ZNF616: variants seen among roughly 807,000 people sequenced by gnomAD.
The protein encoded by ZNF616 is zinc finger protein 616.
Under a neutral mutation model 7.6 loss-of-function variants are expected in ZNF616, and 5 were observed. The ratio of observed to expected loss-of-function variants is 0.66; its 90% confidence interval spans 0.34 to 1.38. The LOEUF is 1.38. Among genes scored for constraint, ZNF616 ranks in the 40% most tolerant of loss-of-function variants. The pLI is 0.04. For synonymous variants in ZNF616, 319 were observed against 317.2 expected (o/e 1.01, Z -0.06); for missense variants, 913 against 948.3 (o/e 0.96, Z 0.49).
intron 3 of ZNF616, 92 bp from the exon 4 acceptor site, chr19:52,117,116 A>G: frequency 9.0e-7 from 1 of 1,109,160 alleles, no homozygotes; most frequent in East Asian, 2.5e-5. Flanking sequence ...ACTAAACATA[A>G]TCTTTATACT....
At chr19:52,125,219 G>T (rs1004736531) in intron 2 of ZNF616, among the ~76,000 whole-genome samples, 1 of 152,130 alleles carries the variant, frequency 6.6e-6, no homozygotes, top group Non-Finnish European at 1.5e-5. Flanking sequence ...CAATTCAAAA[G>T]TCTATAGTCT....
rs1474811415 is a variant in ZNF616, at chr19:52,113,209, T to C, written c.*1609A>G. Reference sequence around the variant, plus strand: ...TCTGGTAGTTATTCTGTAATAATATTCCAGGCCAATCTTGGAGAAGCAGAT... The same window carrying C: ...TCTGGTAGTTATTCTGTAATAATATCCCAGGCCAATCTTGGAGAAGCAGAT... On this transcript the variant is annotated 3_prime_UTR_variant, in exon 4 of 4. Coordinates refer to ENST00000600228, the MANE Select transcript of ZNF616 (RefSeq NM_178523.5). 6.6e-6 allele frequency: 1 copy of C among 152,238 alleles called. No homozygotes were observed. The highest frequency in any genetic ancestry group is 1.5e-5 in the Non-Finnish European group (1 of 68,050). The allele number at this position is 152,238 out of a possible 1,614,324, so 9.4% of individuals were successfully genotyped here. A position where few individuals can be genotyped will look rare whatever the true frequency, so the allele number is the denominator to read the frequency against.
At chr19:52,133,886 C>G (rs1272473406) in intron 1 of ZNF616, among the ~76,000 whole-genome samples, 1 of 152,158 alleles carries the variant, frequency 6.6e-6, no homozygotes, top group African/African-American at 2.4e-5. Context: ...ACCCTCCACC[C>G]TGAGGTAGGC....
At chr19:52,117,122 A>C in intron 3 of ZNF616, 98 bp from the exon 4 acceptor site, 2 of 1,059,930 alleles carry the variant, frequency 1.9e-6, no homozygotes, top group Non-Finnish European at 2.7e-6. Flanking sequence ...CATAATCTTT[A>C]TACTAGACAG....
At chr19:52,131,113 C>A (rs776243582) in intron 1 of ZNF616, among the ~76,000 whole-genome samples, 1 of 151,906 alleles carries the variant, frequency 6.6e-6, no homozygotes, top group African/African-American at 2.4e-5. Context: ...ACCAAAAACA[C>A]AAAAATTAGC....
chr19:52,117,549 A>G (rs2088835998), intron 3 of ZNF616, among the ~76,000 whole-genome samples: 1 of 152,210 alleles, frequency 6.6e-6, no homozygotes, highest in African/African-American at 2.4e-5. Context: ...AGTAAAATAC[A>G]ATATACAATA....
At position 52,113,635 on chromosome 19, in the gene ZNF616, CCA is replaced by C. The variant is rs2088789843; in HGVS notation, c.*1181_*1182del. On this transcript the variant is annotated 3_prime_UTR_variant, in exon 4 of 4. Transcript: ENST00000600228. ...CCCTTCCCACCCCCATCAGCAGGCC[CCA>C]GTGTGTGTTGCTCCCCTCCCTGGGT... 6.6e-6 allele frequency: 1 copy of C among 152,110 alleles called. No homozygotes were observed. Among genetic ancestry groups the C allele is most frequent in the Admixed American group, 6.5e-5 (1 of 15,268 alleles). 9.4% of individuals were successfully genotyped at this position (152,110 alleles called of 1,614,324 possible). A position where few individuals can be genotyped will look rare whatever the true frequency, so the allele number is the denominator to read the frequency against.
At chr19:52,137,401 C>T (rs891710460) in intron 1 of ZNF616, among the ~76,000 whole-genome samples, 6 of 151,690 alleles carry the variant, frequency 4.0e-5, no homozygotes, top group African/African-American at 1.5e-4. Flanking sequence ...CTAGCCTGGG[C>T]GACAGAGCGA....
chr19:52,115,051 C>T lies in ZNF616; in HGVS notation c.2113G>A (p.Val705Ile). Reference protein sequence around the residue: ...GKVFRHSSHLVSHQRIHTGEK... With the variant: ...GKVFRHSSHLISHQRIHTGEK... Reference sequence around the variant, plus strand: ...CCAGTGTGGATTCTCTGGTGACTTACAAGATGTGAACTATGCCTGAATACC... The same window carrying T: ...CCAGTGTGGATTCTCTGGTGACTTATAAGATGTGAACTATGCCTGAATACC... Residue 705 changes from valine to isoleucine, a missense_variant, in exon 4 of 4, where the codon GTA becomes ATA. Coordinates refer to ENST00000600228, the MANE Select transcript of ZNF616 (RefSeq NM_178523.5). 6.2e-7 allele frequency: 1 copy of T among 1,614,136 alleles called. No homozygotes were observed. The highest frequency in any genetic ancestry group is 1.1e-5 in the South Asian group (1 of 91,080).
At chr19:52,121,213 C>A (rs2122150007) in intron 3 of ZNF616, among the ~76,000 whole-genome samples, 1 of 152,306 alleles carries the variant, frequency 6.6e-6, no homozygotes, top group South Asian at 2.1e-4. Flanking sequence ...CGCCACCACG[C>A]CCAGCTAATT....
chr19:52,115,050 A>C lies in ZNF616; in HGVS notation c.2114T>G (p.Val705Gly). The C allele has an allele frequency of 6.2e-7, 1 of 1,614,154 alleles. No homozygotes were observed. Among genetic ancestry groups the C allele is most frequent in the Non-Finnish European group, 8.5e-7 (1 of 1,180,006 alleles). The change falls in exon 4 of 4, where the codon GTA becomes GGA. Residue 705 changes from valine to glycine, a missense_variant. Transcript: ENST00000600228. ...TCCAGTGTGGATTCTCTGGTGACTT[A>C]CAAGATGTGAACTATGCCTGAATAC... ...GKVFRHSSHLVSHQRIHTGEK... is the reference protein window; with the variant it reads ...GKVFRHSSHLGSHQRIHTGEK...
rs2089040342 is a variant in ZNF616, at chr19:52,139,502, CT to C, written c.-77+229del. 6.6e-6 allele frequency among the ~76,000 whole-genome samples: 1 copy of C among 152,106 alleles called. No homozygotes were observed. The highest frequency in any genetic ancestry group is 6.5e-5 in the Admixed American group (1 of 15,274). On this transcript the variant is annotated intron_variant, in intron 1 of 3. Coordinates refer to ENST00000600228, the MANE Select transcript of ZNF616 (RefSeq NM_178523.5). This position sits in a 1 kb window ranked among gnomAD's most constrained non-coding sequence, Gnocchi z 4.1. Reference sequence around the variant, plus strand: ...CAGGAGCTGGGCAGCGGGCGCTCCCCTCCAGGCGTCGACAAGGGCGAAGCTC... The same window carrying C: ...CAGGAGCTGGGCAGCGGGCGCTCCCCCCAGGCGTCGACAAGGGCGAAGCTC...
At chr19:52,131,959 G>A (rs1190740958) in intron 1 of ZNF616, among the ~76,000 whole-genome samples, 1 of 152,104 alleles carries the variant, frequency 6.6e-6, no homozygotes, top group Non-Finnish European at 1.5e-5. Context: ...AGGCCTGTGT[G>A]GCTGGAGCAG....
chr19:52,133,022 G>A (rs1245904001), intron 1 of ZNF616, among the ~76,000 whole-genome samples: 1 of 152,170 alleles, frequency 6.6e-6, no homozygotes, highest in East Asian at 1.9e-4. Context: ...GACAGGAAAA[G>A]AAAGACTAAA....
intron 2 of ZNF616, among the ~76,000 whole-genome samples, chr19:52,125,462 T>C (rs1272844658): frequency 6.6e-6 from 1 of 152,198 alleles, no homozygotes; most frequent in East Asian, 1.9e-4. Context: ...AGGGCACACA[T>C]ATTAAATCTT....
At chr19:52,117,927 T>C (rs1427357217) in intron 3 of ZNF616, among the ~76,000 whole-genome samples, 1 of 151,998 alleles carries the variant, frequency 6.6e-6, no homozygotes, top group Non-Finnish European at 1.5e-5. Context: ...TAACAATCAA[T>C]AGAGCAACTC....
rs1600119570 is a variant in ZNF616, at chr19:52,114,695, C to A, written c.*123G>T. ...CCACTTCCATGATTCAATCACCTCC[C>A]AATGGGCCCCACCTCCAATACTGGA... On this transcript the variant is annotated 3_prime_UTR_variant, in exon 4 of 4. Transcript: ENST00000600228. 8.6e-7 allele frequency: 1 copy of A among 1,169,096 alleles called. No homozygotes were observed. Among genetic ancestry groups the A allele is most frequent in the East Asian group, 2.5e-5 (1 of 40,672 alleles). The allele number at this position is 1,169,096 out of a possible 1,614,324, so 72.4% of individuals were successfully genotyped here.
At position 52,116,908 on chromosome 19, in the gene ZNF616, A is replaced by T. The variant is rs1341624643; in HGVS notation, c.256T>A (p.Tyr86Asn). 1.9e-6 allele frequency: 3 copies of T among 1,614,056 alleles called. No individual in the cohort carries two copies. ...RHQSYDIENL[Y>N]FREIQKHLHD... ...AGATGTTTCTGTATTTCCCTGAAGT[A>T]TAAATTTTCAATATCATAGCTTTGA... The change falls in exon 4 of 4, where the codon TAC (tyrosine) becomes AAC (asparagine). Residue 86 changes from tyrosine (Y) to asparagine (N), a missense_variant. Coordinates refer to ENST00000600228, the MANE Select transcript of ZNF616 (RefSeq NM_178523.5).
intron 3 of ZNF616, among the ~76,000 whole-genome samples, chr19:52,117,668 AAG>A (rs1488996124): frequency 2.6e-5 from 4 of 152,156 alleles, no homozygotes. Context: ...CCTTTATAAT[AAG>A]CAAGAACATA....
Sources: allele counts gnomAD v4.1 joint callset (sites outside exome capture counted in the v4.1 genomes callset), GRCh38; gene constraint gnomAD v4.1.1; non-coding constraint Gnocchi (gnomAD v3.1); transcripts MANE v1.5; gene names NCBI Gene and HGNC (gene_info 2026-07-23, HGNC 2026-07-21).